NPEPL1: variants seen among roughly 807,000 people sequenced by gnomAD.
The protein encoded by NPEPL1 is aminopeptidase like 1.
Under a neutral mutation model 52.4 loss-of-function variants are expected in NPEPL1, and 45 were observed. The observed-to-expected ratio is 0.86, with a 90% CI of 0.68 to 1.10. NPEPL1 has a LOEUF of 1.10. Among genes scored for constraint, NPEPL1 ranks in the 50% least tolerant of loss-of-function variants. The pLI, the probability that NPEPL1 is intolerant of heterozygous loss-of-function variation, is 0.00. For synonymous variants in NPEPL1, 360 were observed against 314.7 expected, an observed-to-expected ratio of 1.14 and a Z score of -1.52; for missense variants, 696 against 710.9, an observed-to-expected ratio of 0.98 and a Z score of 0.24.
rs765870039 is a variant in NPEPL1 at position 58,713,575 on chromosome 20, T to C, written c.1125+32T>C. 77 of 1,555,074 alleles carry C rather than the reference T, an allele frequency of 5.0e-5. No individual in the cohort carries two copies. Among genetic ancestry groups the C allele is most frequent in the Non-Finnish European group, 6.3e-5 (72 of 1,144,800 alleles). The stretch of plus-strand genomic sequence containing the variant: ...GCTCCCTGGATCCACCCCTTAGCTG[T>C]AGTCCCAGGGAACCCCACCCCACTC... On this transcript the variant is annotated intron_variant, in intron 9 of 11. Transcript: ENST00000356091. The surrounding 1 kb of genome is among the most constrained non-coding windows in gnomAD (Gnocchi z 4.6).
intron 10 of NPEPL1, 34 bp downstream of exon 10, chr20:58,714,127 CA>C (rs1043145696): frequency 6.6e-7 from 1 of 1,521,368 alleles, no homozygotes; most frequent in Non-Finnish European, 8.8e-7. Flanking sequence ...GAGCCTGCCA[CA>C]TGGGTGGAGC....
At chr20:58,711,122 T>TCCTCCCCCTCTCCTCCTCCTCCCCCCC (rs1555851564) in intron 7 of NPEPL1, 2 of 46,132 alleles carry the variant, frequency 4.3e-5, no homozygotes, top group Non-Finnish European at 3.9e-5. Context: ...CTCCTCCCCC[T>TCCTCCCCCTCTCCTCCTCCTCCCCCCC]CTCCTCCTCC....
At position 58,701,122 on chromosome 20, in the gene NPEPL1, C is replaced by A. The variant is rs369946186; in HGVS notation, c.786C>A (p.Ile262=). The change falls in exon 6 of 12, where the codon ATC becomes ATA. Residue 262 remains isoleucine (I), a synonymous_variant. Coordinates refer to ENST00000356091, the MANE Select transcript of NPEPL1 (RefSeq NM_024663.4). ...TQTIAWVGKG[I]VYDTGGLSIK... ...CCATCGCCTGGGTGGGCAAAGGCATCGTCTATGACACTGGAGGCCTCAGCA... is the reference window on the plus strand; with the variant it reads ...CCATCGCCTGGGTGGGCAAAGGCATAGTCTATGACACTGGAGGCCTCAGCA... The A allele has an allele frequency of 4.4e-6, 7 of 1,585,336 alleles. No homozygotes were observed. The highest frequency in any genetic ancestry group is 1.8e-5 in the Admixed American group (1 of 55,838).
chr20:58,699,718 C>T (rs2084574310), intron 5 of NPEPL1, among the ~76,000 whole-genome samples: 1 of 152,188 alleles, frequency 6.6e-6, no homozygotes, highest in South Asian at 2.1e-4. Context: ...CCAATGCCCC[C>T]TCCTCAGAGA....
rs763696613 is a variant in NPEPL1, at chr20:58,713,460, G to A, written c.1042G>A (p.Val348Met). ...INNTDAEGRL[V>M]LADGVSYACK... ...CAACACGGATGCCGAGGGCAGGCTG[G>A]TGCTGGCAGATGGCGTGTCCTATGC... The change falls in exon 9 of 12, where the codon GTG becomes ATG. Residue 348 changes from valine to methionine, a missense_variant. Transcript: ENST00000356091. The surrounding 1 kb of genome is among the most constrained non-coding windows in gnomAD (Gnocchi z 4.6). The A allele has an allele frequency of 6.2e-7, 1 of 1,610,984 alleles. No homozygotes were observed. The highest frequency in any genetic ancestry group is 8.5e-7 in the Non-Finnish European group (1 of 1,178,834).
Position 58,712,510 on chromosome 20 carries a change from G to C in NPEPL1, c.932G>C (p.Cys311Ser). 6.2e-7 allele frequency: 1 copy of C among 1,613,446 alleles called. No homozygotes were observed. Among genetic ancestry groups the C allele is most frequent in the Non-Finnish European group, 8.5e-7 (1 of 1,179,776 alleles). ...GFKDNLHAVF[C>S]LAENSVGPNA... ...AAAGACAACCTCCACGCTGTGTTCT[G>C]CTTGGCTGAGAACTCGGTGGGGCCC... is the stretch of plus-strand genomic sequence containing the variant. The change falls in exon 8 of 12, where the codon TGC becomes TCC. Residue 311 changes from cysteine (C) to serine (S), a missense_variant. Physicochemically the swap from Cys to Ser is moderately radical, Grantham distance 112 (BLOSUM62 -1). Transcript: ENST00000356091.
At position 58,714,020 on chromosome 20, in the gene NPEPL1, C is replaced by T. The variant is rs1394949953; in HGVS notation, c.1229C>T (p.Pro410Leu). 28 of 1,528,926 alleles carry T rather than the reference C, an allele frequency of 1.8e-5. No individual in the cohort carries two copies. The highest frequency in any genetic ancestry group is 6.2e-5 in the South Asian group (5 of 80,204). The allele number at this position is 1,528,926 out of a possible 1,614,324, so 94.7% of individuals were successfully genotyped here. The change falls in exon 10 of 12, where the codon CCG (proline) becomes CTG (leucine). Residue 410 changes from proline to leucine, a missense_variant. By Grantham distance (98) the Pro-to-Leu change is moderately conservative (BLOSUM62 -3). Transcript: ENST00000356091. ...AGGAAGTGTGGGGACCTGGTGCACC[C>T]GCTGGTCTACTGCCCCGAGCTGCAC... ...AGRKCGDLVH[P>L]LVYCPELHFS...
At chr20:58,712,275 C>T (rs1474094369) in intron 7 of NPEPL1, among the ~76,000 whole-genome samples, 1 of 152,122 alleles carries the variant, frequency 6.6e-6, no homozygotes, top group African/African-American at 2.4e-5. Context: ...CCAGGGGAGG[C>T]TAGGAAACCC....
At chr20:58,708,005 G>A (rs1055455489) in intron 7 of NPEPL1, among the ~76,000 whole-genome samples, 5 of 152,166 alleles carry the variant, frequency 3.3e-5, no homozygotes, top group African/African-American at 1.2e-4. Context: ...GATCGATTGA[G>A]CCCGGGAGGT....
At chr20:58,706,128 A>G (rs1447056570) in intron 6 of NPEPL1, among the ~76,000 whole-genome samples, 1 of 152,222 alleles carries the variant, frequency 6.6e-6, no homozygotes, top group East Asian at 1.9e-4. Context: ...AAAAATGTGT[A>G]ACACTGTCAA....
intron 1 of NPEPL1, 51 bp from the exon 2 acceptor site, chr20:58,693,686 A>T: frequency 6.5e-7 from 1 of 1,527,582 alleles, no homozygotes; most frequent in Non-Finnish European, 8.9e-7. Flanking sequence ...GCCTCCTGGC[A>T]CGTGGCCGCT....
At chr20:58,698,814 G>A (rs376178600) in intron 4 of NPEPL1, 41 bp downstream of exon 4, 108 of 1,566,672 alleles carry the variant, frequency 6.9e-5, no homozygotes, top group Admixed American at 1.2e-4. Flanking sequence ...CCAGGCTGGG[G>A]TGGGTGTCAT....
chr20:58,709,899 G>GA (rs1423351707), intron 7 of NPEPL1, among the ~76,000 whole-genome samples: 2 of 152,180 alleles, frequency 1.3e-5, no homozygotes, highest in African/African-American at 4.8e-5. Flanking sequence ...GGAGCACATG[G>GA]AATCTGGATG....
chr20:58,699,338 G>A (rs2084562362), intron 5 of NPEPL1, 60 bp downstream of exon 5: 6 of 1,320,100 alleles, frequency 4.5e-6, no homozygotes, highest in Non-Finnish European at 6.3e-6. Context: ...GGGCACTTGG[G>A]TGGCAGGGGG....
intron 6 of NPEPL1, 97 bp from the exon 7 acceptor site, chr20:58,707,026 G>C (rs1352195041): frequency 4.0e-6 from 5 of 1,248,834 alleles, no homozygotes; most frequent in Non-Finnish European, 5.7e-6. Flanking sequence ...TGGGGAAGGT[G>C]GGGCTAGCGT....
intron 3 of NPEPL1, among the ~76,000 whole-genome samples, chr20:58,697,214 T>C (rs1482887782): frequency 6.6e-6 from 1 of 152,224 alleles, no homozygotes; most frequent in East Asian, 1.9e-4. Flanking sequence ...CCTTCCCCAG[T>C]GCAGCATGGC....
intron 7 of NPEPL1, among the ~76,000 whole-genome samples, chr20:58,710,635 G>A (rs2084817305): frequency 1.3e-5 from 2 of 152,200 alleles, no homozygotes; most frequent in Non-Finnish European, 2.9e-5. Context: ...CCCATCTTTG[G>A]CCACCCTCTT....
At chr20:58,692,113 G>A (rs1050593069), upstream of NPEPL1, 9 of 451,088 alleles carry the variant, frequency 2.0e-5, no homozygotes, top group Admixed American at 2.7e-4. The surrounding 1 kb of genome is among the most constrained non-coding windows in gnomAD (Gnocchi z 5.7). Context: ...TCTTGCAAAG[G>A]GGTGGGCGGG....
At chr20:58,690,754 A>G (rs1438072837), upstream of NPEPL1, among the ~76,000 whole-genome samples, 1 of 152,214 alleles carries the variant, frequency 6.6e-6, no homozygotes, top group Non-Finnish European at 1.5e-5. Flanking sequence ...AGGGTTATTC[A>G]GTCTATTCTT....
Sources: gnomAD v4.1 joint callset for allele counts (sites outside exome capture counted in the v4.1 genomes callset) on GRCh38, gnomAD v4.1.1 for gene constraint, Gnocchi (gnomAD v3.1) non-coding constraint, MANE v1.5 for transcripts, NCBI Gene and HGNC (gene_info 2026-07-23, HGNC 2026-07-21) for gene names.